The following CSMD1 variants were observed in gnomAD, a reference collection of about 807,000 sequenced individuals.
CSMD1 encodes the protein CUB and sushi domain-containing protein 1.
In CSMD1, 213 loss-of-function variants were observed where a neutral mutation model predicts 417.5. The observed-to-expected ratio is 0.51, with a 90% CI of 0.46 to 0.57. The LOEUF (loss-of-function observed/expected upper bound fraction) is 0.57. Among genes scored for constraint, CSMD1 ranks in the 20% least tolerant of loss-of-function variants. The pLI, the probability that CSMD1 is intolerant of heterozygous loss-of-function variation, is 0.00. For synonymous variants in CSMD1, 2,862 were observed against 1,736.8 expected (o/e 1.65, Z -16.11); for missense variants, 6,923 against 4,529.7 (o/e 1.53, Z -15.17).
chr8:4,041,556 C>A (rs1461627516), intron 3 of CSMD1, among the ~76,000 whole-genome samples: 3 of 152,056 alleles, frequency 2.0e-5, no homozygotes, highest in Non-Finnish European at 2.9e-5. Context: ...AAATATTCAG[C>A]ACCTGTCAAA....
chr8:4,037,447 C>G (rs1797679298), intron 3 of CSMD1, among the ~76,000 whole-genome samples: 1 of 152,172 alleles, frequency 6.6e-6, no homozygotes, highest in Non-Finnish European at 1.5e-5. Context: ...GCATCTTAGA[C>G]CATTTCAATG....
chr8:3,606,157 G>A (rs111726078), intron 8 of CSMD1, among the ~76,000 whole-genome samples: 5 of 152,330 alleles, frequency 3.3e-5, no homozygotes, highest in African/African-American at 1.2e-4. Context: ...TCTGCAGAGA[G>A]AAGCCAACCG....
intron 12 of CSMD1, among the ~76,000 whole-genome samples, chr8:3,444,082 C>T (rs148935281): frequency 3.3e-4 from 50 of 152,236 alleles, no homozygotes; most frequent in Non-Finnish European, 4.6e-4. Flanking sequence ...CACACACACA[C>T]GCACATACAC....
chr8:4,206,792 T>C (rs957797399), intron 3 of CSMD1, among the ~76,000 whole-genome samples: 17 of 152,244 alleles, frequency 1.1e-4, no homozygotes. Flanking sequence ...TAGTTGATTA[T>C]ATAAAGATTG....
intron 5 of CSMD1, among the ~76,000 whole-genome samples, chr8:3,963,669 G>T (rs541930102): frequency 1.6e-4 from 25 of 152,276 alleles, no homozygotes; most frequent in African/African-American, 6.0e-4. Context: ...GTATGATTTT[G>T]TATGTGTGTA....
chr8:4,653,393 A>C (rs1251699731), intron 1 of CSMD1, among the ~76,000 whole-genome samples: 1 of 152,056 alleles, frequency 6.6e-6, no homozygotes, highest in African/African-American at 2.4e-5. Flanking sequence ...TTTTGTTATT[A>C]CTAAAAATTC....
intron 1 of CSMD1, among the ~76,000 whole-genome samples, chr8:4,925,883 G>T (rs990168171): frequency 1.1e-4 from 16 of 152,080 alleles, no homozygotes; most frequent in African/African-American, 2.4e-5. Context: ...ATGGCATTCT[G>T]TCATGCTCAG....
chr8:3,956,377 G>A lies in CSMD1; in HGVS notation c.818+41526C>T, dbSNP rs550747545. Among the ~76,000 whole-genome samples, 21 of 152,266 alleles carry A rather than the reference G, an allele frequency of 1.4e-4. No individual in the cohort carries two copies. The South Asian group carries it at 2.7e-3, about 20-fold the overall frequency. On this transcript the variant is annotated intron_variant, in intron 5 of 69. Transcript: ENST00000635120. ...TGCCTTATAGAACAATTAGAAGTGA[G>A]AGAGCTAGAATTTGAAGCCCAGAAG...
rs1415386600 is a variant in CSMD1, at chr8:4,762,483, A to T, written c.86-124925T>A. 2.0e-5 allele frequency among the ~76,000 whole-genome samples: 3 copies of T among 152,164 alleles called. No individual in the cohort carries two copies. In the East Asian group the frequency reaches 5.8e-4, roughly 29 times the overall value. On this transcript the variant is annotated intron_variant, in intron 1 of 69. Coordinates refer to ENST00000635120, the MANE Select transcript of CSMD1 (RefSeq NM_033225.6). ...TATTTAACATGCTGTGATTTAAATTACAGATATCAAATTTACATAGGTAAG... is the reference window on the plus strand; with the variant it reads ...TATTTAACATGCTGTGATTTAAATTTCAGATATCAAATTTACATAGGTAAG...
chr8:4,313,662 G>C (rs749926120), intron 3 of CSMD1, among the ~76,000 whole-genome samples: 1 of 152,124 alleles, frequency 6.6e-6, no homozygotes, highest in South Asian at 2.1e-4. Flanking sequence ...TCACTTTAGA[G>C]AGGGAAACCA....
intron 12 of CSMD1, among the ~76,000 whole-genome samples, chr8:3,416,743 G>T (rs1193829975): frequency 6.6e-6 from 1 of 152,036 alleles, no homozygotes; most frequent in Non-Finnish European, 1.5e-5. Flanking sequence ...ATGGACACAA[G>T]ACAGCTAGTA....
intron 12 of CSMD1, among the ~76,000 whole-genome samples, chr8:3,467,331 T>C (rs931647438): frequency 1.3e-5 from 2 of 152,226 alleles, no homozygotes; most frequent in Non-Finnish European, 2.9e-5. Flanking sequence ...GTGTCTGGTA[T>C]TTCACTGATG....
chr8:3,585,272 TA>T (rs1354165789), intron 9 of CSMD1, among the ~76,000 whole-genome samples: 3 of 152,210 alleles, frequency 2.0e-5, no homozygotes, highest in Non-Finnish European at 2.9e-5. Flanking sequence ...TTTTAATAAC[TA>T]AAATGCTTAA....
At chr8:3,690,347 C>A (rs1800173130) in intron 7 of CSMD1, among the ~76,000 whole-genome samples, 1 of 152,226 alleles carries the variant, frequency 6.6e-6, no homozygotes, top group Admixed American at 6.5e-5. Context: ...CAGAACGAGA[C>A]TCTGTCTCAA....
chr8:4,159,623 C>G (rs573872336), intron 3 of CSMD1, among the ~76,000 whole-genome samples: 3 of 152,298 alleles, frequency 2.0e-5, no homozygotes, highest in African/African-American at 7.2e-5. Context: ...GAGTCTCACT[C>G]TGTCGCCCAG....
At chr8:4,346,559 A>T (rs986688175) in intron 3 of CSMD1, among the ~76,000 whole-genome samples, 1 of 152,240 alleles carries the variant, frequency 6.6e-6, no homozygotes, top group Middle Eastern at 3.4e-3. Context: ...TTTGGGCTTG[A>T]GCGTGCTTTT....
chr8:4,402,804 T>C (rs1347598181), intron 3 of CSMD1, among the ~76,000 whole-genome samples: 16 of 63,592 alleles, frequency 2.5e-4, no homozygotes, highest in African/African-American at 5.2e-4. Flanking sequence ...TTTTTTCTTT[T>C]TTTTTTTTTT....
intron 3 of CSMD1, among the ~76,000 whole-genome samples, chr8:4,147,098 T>A (rs1435675333): frequency 1.3e-5 from 2 of 151,894 alleles, no homozygotes; most frequent in Non-Finnish European, 2.9e-5. Flanking sequence ...AATGACTGTT[T>A]AGAACCATCC....
At position 3,959,653 on chromosome 8, in the gene CSMD1, C is replaced by G. The variant is rs573089738; in HGVS notation, c.818+38250G>C. On this transcript the variant is annotated intron_variant, in intron 5 of 69. Transcript: ENST00000635120. ...GTAATTTATGTTTTTGCCATGCTTT[C>G]TCTTATTTGACTTATGTCCTAGTAC... Among the ~76,000 whole-genome samples, 126 of 152,270 alleles carry G rather than the reference C, an allele frequency of 8.3e-4. 2 individuals are homozygous for G. The South Asian group carries it at 0.014, about 17-fold the overall frequency.
Sources: allele counts gnomAD v4.1 joint callset (sites outside exome capture counted in the v4.1 genomes callset), GRCh38; gene constraint gnomAD v4.1.1; transcripts MANE v1.5; gene names NCBI Gene and HGNC (gene_info 2026-07-23, HGNC 2026-07-21).